The following OXCT1 variants were observed in gnomAD, a reference collection of about 807,000 sequenced individuals.
The protein encoded by OXCT1 is succinyl-CoA:3-ketoacid coenzyme A transferase 1, mitochondrial.
In OXCT1, 27 loss-of-function variants were observed where a neutral mutation model predicts 69.6. That is an observed-to-expected ratio of 0.39 (90% CI 0.29 to 0.54). The LOEUF is 0.54. Ranked by LOEUF, OXCT1 falls within the 20% of genes least tolerant of loss-of-function variation. OXCT1 has a pLI of 0.72. For missense variants in OXCT1, 437 were observed against 650.2 expected (o/e 0.67, Z 3.57); for synonymous variants, 202 against 217.8 (o/e 0.93, Z 0.64).
rs183540174 is a variant in OXCT1 at position 41,737,862 on chromosome 5, T to C, written c.1521+1528A>G. On this transcript the variant is annotated intron_variant, in intron 16 of 16. Coordinates refer to ENST00000196371, the MANE Select transcript of OXCT1 (RefSeq NM_000436.4). ...CAAGGTCAGGAGATCGAGACCATCC[T>C]GGCTAGCACGGTGAAACCCCATCTC... is the stretch of plus-strand genomic sequence containing the variant. Among the ~76,000 whole-genome samples the C allele has an allele frequency of 3.3e-3, 505 of 152,338 alleles. 4 individuals carry two copies. Among genetic ancestry groups the C allele is most frequent in the Non-Finnish European group, 4.3e-3 (292 of 68,022 alleles).
At position 41,850,194 on chromosome 5, in the gene OXCT1, C is replaced by A. The variant is rs1312625047; in HGVS notation, c.415-15G>T. On this transcript the variant is annotated splice_polypyrimidine_tract_variant and intron_variant, in intron 4 of 16. Transcript: ENST00000196371. ...GCAAGTGTGCCCTGCAAGTGAGCAA[C>A]CAACACCCCATAAGTTCACTAAGCA... 3.7e-5 allele frequency: 60 copies of A among 1,612,872 alleles called. No homozygotes were observed. Among genetic ancestry groups the A allele is most frequent in the Non-Finnish European group, 5.0e-5 (59 of 1,179,768 alleles).
chr5:41,735,120 A>C (rs954396126), intron 16 of OXCT1, among the ~76,000 whole-genome samples: 2 of 152,202 alleles, frequency 1.3e-5, no homozygotes, highest in Admixed American at 6.5e-5. Context: ...TTCAAAGCAG[A>C]ATGTCAAAGA....
chr5:41,741,877 T>C (rs998332159), intron 15 of OXCT1, among the ~76,000 whole-genome samples: 3 of 152,268 alleles, frequency 2.0e-5, no homozygotes, highest in African/African-American at 7.2e-5. Context: ...AATGTTTGTA[T>C]ACTCATTAGC....
chr5:41,815,372 TCTC>T (rs1747188831), intron 7 of OXCT1, among the ~76,000 whole-genome samples: 2 of 152,122 alleles, frequency 1.3e-5, no homozygotes, highest in Non-Finnish European at 2.9e-5. Context: ...TGAGATGAGA[TCTC>T]ATTATGTTGC....
intron 3 of OXCT1, among the ~76,000 whole-genome samples, chr5:41,856,728 T>C (rs1749445887): frequency 6.6e-6 from 1 of 152,180 alleles, no homozygotes; most frequent in African/African-American, 2.4e-5. Flanking sequence ...CTGCATGACT[T>C]ACTCTCACTT....
intron 16 of OXCT1, among the ~76,000 whole-genome samples, chr5:41,733,762 C>T (rs1554064632): frequency 6.6e-6 from 1 of 152,052 alleles, no homozygotes; most frequent in Non-Finnish European, 1.5e-5. Flanking sequence ...CTGACTTTGC[C>T]TGCTTTTTAA....
rs1003393082 is a variant in OXCT1, at chr5:41,737,728, T to C, written c.1521+1662A>G. ...TAGAGTACCAGGAACAGTTATTATATGGATAATGAACTATGAAACAAAAAT... is the reference window on the plus strand; with the variant it reads ...TAGAGTACCAGGAACAGTTATTATACGGATAATGAACTATGAAACAAAAAT... On this transcript the variant is annotated intron_variant, in intron 16 of 16. Transcript: ENST00000196371. Among the ~76,000 whole-genome samples, 5 of 152,206 alleles carry C rather than the reference T, an allele frequency of 3.3e-5. No homozygotes were observed. The South Asian group carries it at 8.3e-4, about 25-fold the overall frequency.
At chr5:41,799,337 C>T (rs1188297934) in intron 11 of OXCT1, among the ~76,000 whole-genome samples, 3 of 152,124 alleles carry the variant, frequency 2.0e-5, no homozygotes, top group Non-Finnish European at 4.4e-5. Flanking sequence ...TATCAAAAAT[C>T]CCAAAAAGGA....
chr5:41,750,201 C>A (rs1743713479), intron 14 of OXCT1, among the ~76,000 whole-genome samples: 1 of 123,086 alleles, frequency 8.1e-6, no homozygotes. Context: ...CTTCTTATAT[C>A]CACTTTTAAA....
At chr5:41,753,233 A>G (rs1041921127) in intron 14 of OXCT1, among the ~76,000 whole-genome samples, 2 of 151,826 alleles carry the variant, frequency 1.3e-5, no homozygotes, top group Non-Finnish European at 2.9e-5. Flanking sequence ...TTTCATGCTC[A>G]TCTTTTCTGT....
Position 41,801,065 on chromosome 5 carries a change from T to C in OXCT1, c.1056A>G (p.Pro352=). The C allele has an allele frequency of 2.5e-6, 4 of 1,610,224 alleles. No individual in the cohort carries two copies. The highest frequency in any genetic ancestry group is 3.4e-6 in the Non-Finnish European group (4 of 1,176,590). ...QSENGVLGLG[P]YPRQHEADAD... ...CATCAGCTTCATGTTGTCGTGGATA[T>C]GGACCCTGTCAAATACAACATACAT... Residue 352 remains proline (P), a synonymous_variant, in exon 11 of 17, where the codon CCA becomes CCG. Coordinates refer to ENST00000196371, the MANE Select transcript of OXCT1 (RefSeq NM_000436.4).
chr5:41,865,037 C>T (rs1189961932), intron 1 of OXCT1, among the ~76,000 whole-genome samples: 2 of 152,122 alleles, frequency 1.3e-5, no homozygotes, highest in Non-Finnish European at 2.9e-5. Flanking sequence ...CCCCTATATA[C>T]CTATAGAGGC....
intron 15 of OXCT1, among the ~76,000 whole-genome samples, chr5:41,748,943 A>G (rs1329097638): frequency 6.6e-6 from 1 of 152,054 alleles, no homozygotes; most frequent in African/African-American, 2.4e-5. Flanking sequence ...GCTGCTGGTG[A>G]TGCTTCTCTG....
At chr5:41,837,541 T>C (rs1157439010) in intron 7 of OXCT1, among the ~76,000 whole-genome samples, 11 of 149,254 alleles carry the variant, frequency 7.4e-5, no homozygotes, top group Admixed American at 5.4e-4. Context: ...CAAAGACATC[T>C]CTAAGGTAGA....
intron 13 of OXCT1, among the ~76,000 whole-genome samples, chr5:41,778,170 T>C (rs1280400173): frequency 6.6e-6 from 1 of 152,206 alleles, no homozygotes; most frequent in Non-Finnish European, 1.5e-5. Context: ...TATTTAGAAA[T>C]TGGTACTTAC....
intron 15 of OXCT1, among the ~76,000 whole-genome samples, chr5:41,741,510 G>T (rs1170263736): frequency 6.6e-6 from 1 of 152,156 alleles, no homozygotes; most frequent in Non-Finnish European, 1.5e-5. Flanking sequence ...CATACTCTGA[G>T]CACCATCCCT....
Position 41,798,735 on chromosome 5 carries a change from C to T in OXCT1, c.1099+2287G>A, listed in dbSNP as rs559216696. On this transcript the variant is annotated intron_variant, in intron 11 of 16. Coordinates refer to ENST00000196371, the MANE Select transcript of OXCT1 (RefSeq NM_000436.4). The stretch of plus-strand genomic sequence containing the variant: ...ACAATACAGAAGCAAAAATATGAGA[C>T]TTAGAAATTTCACAACTGCATTGGG... 1.7e-3 allele frequency among the ~76,000 whole-genome samples: 252 copies of T among 152,242 alleles called. 1 individual carries two copies. Among genetic ancestry groups the T allele is most frequent in the Non-Finnish European group, 1.2e-3 (82 of 68,022 alleles).
At chr5:41,857,655 A>C (rs1487656337) in intron 3 of OXCT1, among the ~76,000 whole-genome samples, 1 of 152,160 alleles carries the variant, frequency 6.6e-6, no homozygotes, top group Non-Finnish European at 1.5e-5. Flanking sequence ...TCCAGGTCCT[A>C]GTAACAGCTC....
At chr5:41,842,143 A>T (rs1748655579) in intron 6 of OXCT1, among the ~76,000 whole-genome samples, 1 of 152,218 alleles carries the variant, frequency 6.6e-6, no homozygotes, top group Non-Finnish European at 1.5e-5. Context: ...TTTAAAATCT[A>T]TAAAGTCTGT....
Sources: gnomAD v4.1 joint callset for allele counts (sites outside exome capture counted in the v4.1 genomes callset) on GRCh38, gnomAD v4.1.1 for gene constraint, MANE v1.5 for transcripts, NCBI Gene and HGNC (gene_info 2026-07-23, HGNC 2026-07-21) for gene names.